Variants in RAD51B observed in about 807,000 individuals in gnomAD.
RAD51B encodes DNA repair protein RAD51 homolog 2.
RAD51B carries 38 observed loss-of-function variants against 42.2 expected under a neutral mutation model. The observed-to-expected ratio is 0.90, with a 90% CI of 0.70 to 1.18. RAD51B has a LOEUF of 1.18. RAD51B is among the 50% of genes most tolerant of loss of function. RAD51B has a pLI of 0.00. For synonymous variants in RAD51B, 154 were observed against 145.2 expected, an observed-to-expected ratio of 1.06 and a Z score of -0.43; for missense variants, 373 against 400.7, an observed-to-expected ratio of 0.93 and a Z score of 0.59.
downstream of RAD51B, among the ~76,000 whole-genome samples, chr14:68,615,545 C>G (rs974519905): frequency 2.0e-5 from 3 of 152,046 alleles, no homozygotes; most frequent in Non-Finnish European, 2.9e-5. Context: ...TGGGGTTTCA[C>G]TGTGTTAGCC....
At chr14:68,226,435 A>G (rs865847934) in intron 7 of RAD51B, among the ~76,000 whole-genome samples, 2 of 152,226 alleles carry the variant, frequency 1.3e-5, no homozygotes, top group Non-Finnish European at 2.9e-5. Context: ...TGTAGCTCCC[A>G]TAATTCCCAC....
At chr14:67,997,830 T>C (rs903346476) in intron 7 of RAD51B, among the ~76,000 whole-genome samples, 8 of 152,174 alleles carry the variant, frequency 5.3e-5, no homozygotes, top group Admixed American at 3.9e-4. Context: ...GTGGATATTA[T>C]TGTGTGCTTC....
intron 7 of RAD51B, among the ~76,000 whole-genome samples, chr14:68,143,726 T>C (rs545596293): frequency 3.9e-5 from 6 of 152,358 alleles, no homozygotes; most frequent in Non-Finnish European, 8.8e-5. Flanking sequence ...ACTCTGCCTG[T>C]TGCTTTCTGG....
At position 67,994,967 on chromosome 14, in the gene RAD51B, C is replaced by T. The variant is rs565644006; in HGVS notation, c.756+107763C>T. Among the ~76,000 whole-genome samples the T allele has an allele frequency of 2.9e-3, 443 of 152,238 alleles. 3 individuals are homozygous for T. The highest frequency in any genetic ancestry group is 0.013 in the South Asian group (65 of 4,824). On this transcript the variant is annotated intron_variant, in intron 7 of 10. Coordinates refer to ENST00000471583, the MANE Select transcript of RAD51B (RefSeq NM_133510.4). ...AAAACATTCTGACACATATACAACA[C>T]GATGACCTTGAGGATGTTATGCTAA...
intron 8 of RAD51B, among the ~76,000 whole-genome samples, chr14:68,313,960 G>C (rs998565478): frequency 6.6e-6 from 1 of 152,090 alleles, no homozygotes; most frequent in African/African-American, 2.4e-5. Flanking sequence ...GATTGCCATA[G>C]CCTCTCTAGG....
chr14:68,537,092 CAAA>C (rs5809385), intron 10 of RAD51B, among the ~76,000 whole-genome samples: 87 of 104,722 alleles, frequency 8.3e-4, no homozygotes, highest in African/African-American at 2.6e-3. Flanking sequence ...GGTCCTGTCT[CAAA>C]AAAAAAAAAA....
chr14:67,858,291 G>T (rs910284001), intron 4 of RAD51B, among the ~76,000 whole-genome samples: 1 of 152,158 alleles, frequency 6.6e-6, no homozygotes, highest in Non-Finnish European at 1.5e-5. Flanking sequence ...GACAATTGAC[G>T]GATGGTGAAG....
intron 9 of RAD51B, among the ~76,000 whole-genome samples, chr14:68,423,318 C>G (rs1050979263): frequency 6.6e-6 from 1 of 152,154 alleles, no homozygotes; most frequent in South Asian, 2.1e-4. Flanking sequence ...AACAATCCCC[C>G]CAAAGCCCCA....
chr14:68,342,671 G>A (rs1347988640), intron 8 of RAD51B, among the ~76,000 whole-genome samples: 1 of 152,214 alleles, frequency 6.6e-6, no homozygotes, highest in Non-Finnish European at 1.5e-5. Flanking sequence ...AGCCCATCAA[G>A]TGAAAGCAAG....
chr14:68,527,170 G>T (rs1194246634), intron 10 of RAD51B, among the ~76,000 whole-genome samples: 4 of 152,228 alleles, frequency 2.6e-5, no homozygotes, highest in African/African-American at 9.6e-5. Flanking sequence ...AAGCCTACAT[G>T]CTCTTTGGTA....
intron 10 of RAD51B, among the ~76,000 whole-genome samples, chr14:68,472,512 C>T (rs184962923): frequency 1.4e-4 from 22 of 152,256 alleles, no homozygotes; most frequent in Admixed American, 1.3e-3. Context: ...ACAGCCTCCC[C>T]GTTACTCCTT....
chr14:68,610,517 TACA>T (rs1381730866), intron 10 of RAD51B, among the ~76,000 whole-genome samples: 1 of 152,214 alleles, frequency 6.6e-6, no homozygotes, highest in Non-Finnish European at 1.5e-5. Flanking sequence ...TGTCCTCCCG[TACA>T]ACCTCACTGC....
chr14:68,470,669 T>A (rs1410935771), intron 10 of RAD51B: 1 of 469,524 alleles, frequency 2.1e-6, no homozygotes, highest in Non-Finnish European at 4.1e-6. Flanking sequence ...AGAAAAAATA[T>A]CAGATTATAT....
At chr14:68,272,860 AT>A (rs2081147087) in intron 7 of RAD51B, among the ~76,000 whole-genome samples, 1 of 148,264 alleles carries the variant, frequency 6.7e-6, no homozygotes. Flanking sequence ...AATTTTTTGT[AT>A]TTTTAGTAGA....
At chr14:67,999,362 G>A (rs573656609) in intron 7 of RAD51B, among the ~76,000 whole-genome samples, 15 of 152,254 alleles carry the variant, frequency 9.9e-5, no homozygotes, top group African/African-American at 3.6e-4. Context: ...CAGCACTAGA[G>A]TGCTATATGA....
At chr14:68,394,569 C>A (rs764871430) in intron 8 of RAD51B, among the ~76,000 whole-genome samples, 1 of 152,264 alleles carries the variant, frequency 6.6e-6, no homozygotes, top group Admixed American at 6.5e-5. Flanking sequence ...GTTTCCTTGG[C>A]AGGATTCTCT....
intron 10 of RAD51B, chr14:68,497,288 A>C: frequency 7.8e-7 from 1 of 1,287,510 alleles, no homozygotes; most frequent in African/African-American, 1.5e-5. Context: ...ACTCAGCTTA[A>C]GTCATGGAAT....
At chr14:68,572,793 G>A (rs903919101) in intron 10 of RAD51B, among the ~76,000 whole-genome samples, 1 of 152,194 alleles carries the variant, frequency 6.6e-6, no homozygotes, top group African/African-American at 2.4e-5. Context: ...CAAATTGCCA[G>A]TGTCATATCA....
At chr14:68,591,760 C>T (rs1200559490) in intron 10 of RAD51B, among the ~76,000 whole-genome samples, 1 of 152,162 alleles carries the variant, frequency 6.6e-6, no homozygotes, top group Admixed American at 6.5e-5. Flanking sequence ...CCATGTGGTG[C>T]TCTGGCAGGC....
Sources: allele counts gnomAD v4.1 joint callset (sites outside exome capture counted in the v4.1 genomes callset), GRCh38; gene constraint gnomAD v4.1.1; transcripts MANE v1.5; gene names NCBI Gene and HGNC (gene_info 2026-07-23, HGNC 2026-07-21).